The following LOC112694756 variants were observed in gnomAD, a reference collection of about 807,000 sequenced individuals.
chr16:30,059,524 ATCTC>A, the LOC112694756 span, among the ~76,000 whole-genome samples: 4 of 149,756 alleles, frequency 2.7e-5, no homozygotes, highest in African/African-American at 4.9e-5. Flanking sequence ...TAATAATAAT[ATCTC>A]TCTTTCTTTT....
At chr16:30,069,967 G>T in the LOC112694756 span, 1 of 1,613,972 alleles carries the variant, frequency 6.2e-7, no homozygotes, top group Non-Finnish European at 8.5e-7. Flanking sequence ...TGCCCTGAAG[G>T]CCTGGGGCGG....
chr16:30,069,185 G>C, the LOC112694756 span: 2 of 1,365,660 alleles, frequency 1.5e-6, no homozygotes, highest in Non-Finnish European at 2.1e-6. Context: ...TGTAATCTGA[G>C]GGCTTTGAAG....
At chr16:30,068,746 G>A in the LOC112694756 span, 1 of 1,614,194 alleles carries the variant, frequency 6.2e-7, no homozygotes, top group Non-Finnish European at 8.5e-7. Flanking sequence ...ACCAGAGCAG[G>A]TTTGGGTGCT....
the LOC112694756 span, among the ~76,000 whole-genome samples, chr16:30,054,242 C>T: frequency 2.6e-5 from 4 of 151,320 alleles, no homozygotes; most frequent in East Asian, 7.8e-4. Flanking sequence ...ATCGCTTGAA[C>T]CCGGGTGGCA....
At chr16:30,057,302 TG>T in the LOC112694756 span, among the ~76,000 whole-genome samples, 5 of 151,982 alleles carry the variant, frequency 3.3e-5, no homozygotes, top group East Asian at 9.7e-4. Flanking sequence ...CCTCCTGAAG[TG>T]GGGAGTAAGC....
the LOC112694756 span, among the ~76,000 whole-genome samples, chr16:30,056,298 G>T: frequency 1.3e-5 from 2 of 151,318 alleles, no homozygotes; most frequent in Non-Finnish European, 2.9e-5. Flanking sequence ...TAGTAGAGAC[G>T]GGGTTTCACC....
At chr16:30,067,965 T>A in the LOC112694756 span, 5 of 469,038 alleles carry the variant, frequency 1.1e-5, no homozygotes, top group Non-Finnish European at 1.9e-5. Context: ...AACATCCCAG[T>A]GTATCCTGTC....
At chr16:30,067,396 G>A in the LOC112694756 span, 2 of 1,614,066 alleles carry the variant, frequency 1.2e-6, no homozygotes, top group Admixed American at 3.3e-5. Flanking sequence ...TGGGTGGAGG[G>A]TGCAGGGTTG....
the LOC112694756 span, chr16:30,069,156 TGA>T: frequency 4.5e-6 from 6 of 1,325,682 alleles, no homozygotes; most frequent in Middle Eastern, 2.0e-4. Context: ...TGGGTGGATC[TGA>T]GGCGGCTCTT....
the LOC112694756 span, chr16:30,067,922 C>T: frequency 7.4e-6 from 4 of 541,478 alleles, no homozygotes; most frequent in East Asian, 1.3e-4. Flanking sequence ...CCCAGTCTGA[C>T]ACCCAATTCA....
the LOC112694756 span, chr16:30,068,530 G>C: frequency 9.2e-6 from 11 of 1,193,180 alleles, no homozygotes; most frequent in South Asian, 1.4e-4. Flanking sequence ...TTGAGTCCAG[G>C]AAGTGGAGGC....
At chr16:30,056,979 C>T in the LOC112694756 span, among the ~76,000 whole-genome samples, 2 of 147,794 alleles carry the variant, frequency 1.4e-5, no homozygotes, top group East Asian at 2.0e-4. Flanking sequence ...GGTGCAATCT[C>T]GGCTCACCGC....
chr16:30,054,320 GAAT>G, the LOC112694756 span, among the ~76,000 whole-genome samples: 8 of 151,836 alleles, frequency 5.3e-5, no homozygotes, highest in African/African-American at 1.9e-4. Context: ...GTCTCAATAA[GAAT>G]AATAATAATA....
At chr16:30,057,259 C>G in the LOC112694756 span, among the ~76,000 whole-genome samples, 1 of 152,128 alleles carries the variant, frequency 6.6e-6, no homozygotes. Context: ...CTATCCATGC[C>G]TGTATGTGTA....
the LOC112694756 span, chr16:30,069,556 T>G: frequency 6.2e-7 from 1 of 1,614,120 alleles, no homozygotes; most frequent in Non-Finnish European, 8.5e-7. Flanking sequence ...GGAAGGCACC[T>G]TGCTGAAGCC....
chr16:30,067,513 A>G, the LOC112694756 span: 1 of 1,613,394 alleles, frequency 6.2e-7, no homozygotes, highest in Non-Finnish European at 8.5e-7. Flanking sequence ...CGGCGCTTCT[A>G]CCGCCAGCTG....
the LOC112694756 span, chr16:30,067,675 C>T: frequency 3.5e-5 from 57 of 1,613,846 alleles, no homozygotes; most frequent in Non-Finnish European, 4.8e-5. Flanking sequence ...AGGGGAGGGC[C>T]TCCGGACGTG....
At chr16:30,069,110 A>G in the LOC112694756 span, 1 of 1,464,888 alleles carries the variant, frequency 6.8e-7, no homozygotes, top group Non-Finnish European at 9.4e-7. Flanking sequence ...AGGACACTCA[A>G]GGGCTGTTGA....
chr16:30,057,484 G>A, the LOC112694756 span, among the ~76,000 whole-genome samples: 10 of 152,270 alleles, frequency 6.6e-5, no homozygotes, highest in African/African-American at 1.7e-4. Flanking sequence ...ATCGACCACC[G>A]TCCTGAGGAA....
Sources: gnomAD v4.1 joint callset for allele counts (sites outside exome capture counted in the v4.1 genomes callset) on GRCh38, gnomAD v4.1.1 for gene constraint, MANE v1.5 for transcripts.